The following SEL1L variants were observed in gnomAD, a reference collection of about 807,000 sequenced individuals.
The protein encoded by SEL1L is protein sel-1 homolog 1.
A neutral mutation model predicts 109.8 loss-of-function variants in SEL1L; 52 were observed. That is an observed-to-expected ratio of 0.47 (90% CI 0.38 to 0.60). The LOEUF (loss-of-function observed/expected upper bound fraction) is 0.60, where lower values mean the gene tolerates loss of function less well. SEL1L is among the 20% of genes least tolerant of loss of function. The pLI is 0.00. For missense variants in SEL1L, 749 were observed against 962.2 expected, an observed-to-expected ratio of 0.78 and a Z score of 2.93; for synonymous variants, 373 against 339.6, an observed-to-expected ratio of 1.10 and a Z score of -1.08.
In SEL1L at chr14:81,489,295, C is replaced by T. The variant is rs765425927; in HGVS notation, c.1352G>A (p.Ser451Asn). 5.6e-6 allele frequency: 9 copies of T among 1,614,162 alleles called. No homozygotes were observed. The South Asian group carries it at 8.8e-5, about 16-fold the overall frequency. ...ATAGAGGTAGGCCATTCCAAGCCCA[C>T]TCTGTCCAACTGGGTTGCCCTGCAA... is the stretch of plus-strand genomic sequence containing the variant. ...AADMGNPVGQ[S>N]GLGMAYLYGR... The change falls in exon 14 of 21, where the codon AGT (serine) becomes AAT (asparagine). Residue 451 changes from serine to asparagine, a missense_variant. This residue lies in a region of SEL1L where 383 missense variants were observed against 562.5 expected (regional missense o/e 0.68). Transcript: ENST00000336735.
At position 81,522,583 on chromosome 14, in the gene SEL1L, G is replaced by A. The variant is rs142561727; in HGVS notation, c.340+4150C>T. 9.9e-5 allele frequency among the ~76,000 whole-genome samples: 15 copies of A among 152,224 alleles called. No individual in the cohort carries two copies. The East Asian group carries it at 1.4e-3, about 14-fold the overall frequency. ...GGTATAGGCTACACTAGCTAGGTTC[G>A]TGTAAGTACACTCTATATTTGCACA... On this transcript the variant is annotated intron_variant, in intron 3 of 20. Coordinates refer to ENST00000336735, the MANE Select transcript of SEL1L (RefSeq NM_005065.6).
intron 3 of SEL1L, among the ~76,000 whole-genome samples, chr14:81,511,463 T>C (rs1056954391): frequency 6.6e-6 from 1 of 152,202 alleles, no homozygotes; most frequent in African/African-American, 2.4e-5. Context: ...AAACAACGGC[T>C]TTAAAGACAC....
chr14:81,532,792 G>A (rs1885381575), intron 1 of SEL1L, among the ~76,000 whole-genome samples: 1 of 152,084 alleles, frequency 6.6e-6, no homozygotes, highest in Non-Finnish European at 1.5e-5. Context: ...AAAACGTCAA[G>A]CCACAGAACA....
intron 3 of SEL1L, among the ~76,000 whole-genome samples, chr14:81,514,713 C>T (rs551241147): frequency 5.3e-5 from 8 of 152,206 alleles, no homozygotes; most frequent in South Asian, 4.1e-4. Flanking sequence ...AAACCGCGGG[C>T]GGTTCTGTCT....
Position 81,489,071 on chromosome 14 carries a change from T to C in SEL1L, c.1395+181A>G, listed in dbSNP as rs1883445126. 30 of 648,430 alleles carry C rather than the reference T, an allele frequency of 4.6e-5. 1 individual carries two copies. The South Asian group carries it at 5.4e-4, about 12-fold the overall frequency. 40.2% of individuals were successfully genotyped at this position (648,430 alleles called of 1,614,324 possible). On this transcript the variant is annotated intron_variant, in intron 14 of 20. Coordinates refer to ENST00000336735, the MANE Select transcript of SEL1L (RefSeq NM_005065.6). ...CAGACACAGAGCTGTTCTAAGACAG[T>C]TGAGATGGTGTCTGTCGGGTATGGG...
chr14:81,528,053 G>T, intron 1 of SEL1L, among the ~76,000 whole-genome samples: 1 of 152,064 alleles, frequency 6.6e-6, no homozygotes, highest in Non-Finnish European at 1.5e-5. Flanking sequence ...ATTCTTGTGG[G>T]TCTATTTAGT....
chr14:81,492,542 A>C lies in SEL1L; in HGVS notation c.1192T>G (p.Phe398Val). 1.9e-6 allele frequency: 3 copies of C among 1,605,190 alleles called. No homozygotes were observed. Among genetic ancestry groups the C allele is most frequent in the Non-Finnish European group, 2.6e-6 (3 of 1,173,774 alleles). The stretch of plus-strand genomic sequence containing the variant: ...TTTGCTGCTAAATTGAAGTAGTCAA[A>C]TGCTCTCTATGAGAAAAGAATTTAT... ...RGVEQNHQRA[F>V]DYFNLAANAG... The change falls in exon 12 of 21, where the codon TTT becomes GTT. Residue 398 changes from phenylalanine (F) to valine (V), a missense_variant. By Grantham distance (50) the Phe-to-Val change is conservative. Coordinates refer to ENST00000336735, the MANE Select transcript of SEL1L (RefSeq NM_005065.6).
At chr14:81,511,512 G>C (rs1884475458) in intron 3 of SEL1L, among the ~76,000 whole-genome samples, 1 of 152,208 alleles carries the variant, frequency 6.6e-6, no homozygotes, top group African/African-American at 2.4e-5. Flanking sequence ...GGATCTACAA[G>C]GATGGTCTCC....
intron 3 of SEL1L, among the ~76,000 whole-genome samples, chr14:81,517,078 G>A (rs955534284): frequency 5.3e-5 from 8 of 152,162 alleles, no homozygotes; most frequent in Non-Finnish European, 8.8e-5. Flanking sequence ...TGGTGAAAGC[G>A]TTAAGAAGAG....
intron 3 of SEL1L, among the ~76,000 whole-genome samples, chr14:81,523,031 G>GA (rs34678663): frequency 6.6e-6 from 1 of 151,964 alleles, no homozygotes; most frequent in African/African-American, 2.4e-5. Context: ...GTGATATTGT[G>GA]AAAAAAATAT....
At chr14:81,520,562 G>A (rs1490947664) in intron 3 of SEL1L, among the ~76,000 whole-genome samples, 1 of 152,212 alleles carries the variant, frequency 6.6e-6, no homozygotes, top group Non-Finnish European at 1.5e-5. Context: ...CTGATAAGGT[G>A]GAAAGGGCTC....
At chr14:81,491,867 C>T (rs1347231589) in intron 12 of SEL1L, among the ~76,000 whole-genome samples, 1 of 152,112 alleles carries the variant, frequency 6.6e-6, no homozygotes, top group Non-Finnish European at 1.5e-5. Flanking sequence ...CTCTAATTGC[C>T]TCTATTCAGC....
At chr14:81,480,902 C>T (rs1316925015) in intron 19 of SEL1L, among the ~76,000 whole-genome samples, 1 of 152,160 alleles carries the variant, frequency 6.6e-6, no homozygotes, top group African/African-American at 2.4e-5. Flanking sequence ...ATCTACCCCA[C>T]TCTTTCCTCC....
At chr14:81,526,281 T>G (rs1325630369) in intron 3 of SEL1L, among the ~76,000 whole-genome samples, 2 of 152,202 alleles carry the variant, frequency 1.3e-5, no homozygotes, top group African/African-American at 4.8e-5. Context: ...AAGCGTCAGC[T>G]GAGGGATAAA....
At chr14:81,523,209 G>A (rs1884991313) in intron 3 of SEL1L, among the ~76,000 whole-genome samples, 1 of 152,152 alleles carries the variant, frequency 6.6e-6, no homozygotes, top group African/African-American at 2.4e-5. Flanking sequence ...TTAGATTAGA[G>A]GGTTAGAATT....
In SEL1L at chr14:81,477,155, A is replaced by G. The variant is rs773033894; in HGVS notation, c.2202T>C (p.Asp734=). The G allele has an allele frequency of 1.2e-6, 2 of 1,614,142 alleles. No individual in the cohort carries two copies. Among genetic ancestry groups the G allele is most frequent in the Non-Finnish European group, 8.5e-7 (1 of 1,179,986 alleles). ...TNIRDMFTQL[D]MDQLLGPEWD... is the part of the protein sequence containing the mutation. ...ACTCAGGTCCCAAAAGCTGGTCCAT[A>G]TCAAGTTGGGTGAACATATCTCGAA... Residue 734 remains aspartate, a synonymous_variant, in exon 21 of 21, where the codon GAT becomes GAC. Transcript: ENST00000336735.
intron 19 of SEL1L, among the ~76,000 whole-genome samples, chr14:81,481,336 T>C (rs904864640): frequency 5.3e-5 from 8 of 152,228 alleles, no homozygotes; most frequent in Non-Finnish European, 1.2e-4. Context: ...CCTCCAAACA[T>C]ATTTAAATAC....
intron 3 of SEL1L, among the ~76,000 whole-genome samples, chr14:81,519,770 T>C (rs1884838222): frequency 6.6e-6 from 1 of 152,166 alleles, no homozygotes. Context: ...TTTTTAAGAA[T>C]GAACAGAAAT....
At chr14:81,482,489 T>A (rs1903390453) in intron 19 of SEL1L, among the ~76,000 whole-genome samples, 1 of 152,126 alleles carries the variant, frequency 6.6e-6, no homozygotes, top group Admixed American at 6.5e-5. Context: ...CTAAGCAACA[T>A]AGTGGTACCC....
Sources: gnomAD v4.1 joint callset for allele counts (sites outside exome capture counted in the v4.1 genomes callset) on GRCh38, gnomAD v4.1.1 for gene constraint, gnomAD v4.1.1 regional missense constraint, MANE v1.5 for transcripts, NCBI Gene and HGNC (gene_info 2026-07-23, HGNC 2026-07-21) for gene names.